Variants in KANSL1 observed in about 807,000 individuals in gnomAD.
KANSL1 encodes MLL1/MLL complex subunit KANSL1.
KANSL1 carries 22 observed loss-of-function variants against 103.6 expected under a neutral mutation model. The observed-to-expected ratio is 0.21, with a 90% CI of 0.15 to 0.30. The LOEUF (loss-of-function observed/expected upper bound fraction) is 0.30. Ranked by LOEUF, KANSL1 falls within the 10% of genes least tolerant of loss-of-function variation. The pLI, the probability that KANSL1 is intolerant of heterozygous loss-of-function variation, is 1.00. For missense variants in KANSL1, 1,337 were observed against 1,399.8 expected (o/e 0.96, Z 0.72); for synonymous variants, 600 against 527.6 (o/e 1.14, Z -1.88).
At chr17:46,147,258 T>C (rs992836358) in intron 2 of KANSL1, among the ~76,000 whole-genome samples, 1 of 152,212 alleles carries the variant, frequency 6.6e-6, no homozygotes, top group Non-Finnish European at 1.5e-5. Context: ...TTTCTGAATA[T>C]GCTGTAAAGA....
At chr17:46,215,779 G>A (rs1309785469) in intron 1 of KANSL1, among the ~76,000 whole-genome samples, 3 of 152,094 alleles carry the variant, frequency 2.0e-5, no homozygotes, top group Admixed American at 6.6e-5. Context: ...AGTGGCTCAC[G>A]CCTGTAATCC....
chr17:46,082,074 C>T (rs2079006565), intron 4 of KANSL1, among the ~76,000 whole-genome samples: 3 of 152,138 alleles, frequency 2.0e-5, no homozygotes, highest in African/African-American at 7.2e-5. Flanking sequence ...AACCTCTAGT[C>T]TAACCTTTTA....
chr17:46,210,895 C>G (rs1286153981), intron 1 of KANSL1, among the ~76,000 whole-genome samples: 1 of 152,098 alleles, frequency 6.6e-6, no homozygotes, highest in Non-Finnish European at 1.5e-5. Flanking sequence ...GAAGACAAAC[C>G]AGACTTGCTC....
chr17:46,221,984 G>A (rs990603333), intron 1 of KANSL1: 64 of 152,042 alleles, frequency 4.2e-4, no homozygotes, highest in African/African-American at 1.5e-3. Flanking sequence ...CTGACCAGAC[G>A]AACACTGTAA....
At chr17:46,101,368 A>G (rs1269238970) in intron 2 of KANSL1, among the ~76,000 whole-genome samples, 1 of 152,252 alleles carries the variant, frequency 6.6e-6, no homozygotes, top group Non-Finnish European at 1.5e-5. Context: ...ACCTCTGCAA[A>G]TAAGAACAAC....
intron 1 of KANSL1, among the ~76,000 whole-genome samples, chr17:46,174,679 G>A (rs1271777612): frequency 6.6e-6 from 1 of 152,206 alleles, no homozygotes; most frequent in Non-Finnish European, 1.5e-5. Flanking sequence ...TCATTTATTT[G>A]TTGCTGTTAT....
intron 2 of KANSL1, among the ~76,000 whole-genome samples, chr17:46,134,439 A>G (rs1242521820): frequency 6.6e-6 from 1 of 152,154 alleles, no homozygotes; most frequent in African/African-American, 2.4e-5. Context: ...TTAAACGTTT[A>G]TAATGTATTT....
chr17:46,138,794 A>C (rs1301451740), intron 2 of KANSL1, among the ~76,000 whole-genome samples: 2 of 152,278 alleles, frequency 1.3e-5, no homozygotes, highest in African/African-American at 4.8e-5. Flanking sequence ...CCTGACAGTA[A>C]GAACTGGAGT....
chr17:46,204,180 G>C (rs1156879556), intron 1 of KANSL1, among the ~76,000 whole-genome samples: 2 of 152,088 alleles, frequency 1.3e-5, no homozygotes, highest in Non-Finnish European at 2.9e-5. Flanking sequence ...AAAAAGGCCG[G>C]GTGTGGTGGC....
At chr17:46,056,729 A>G (rs17575507) in intron 6 of KANSL1, among the ~76,000 whole-genome samples, 21,804 of 152,304 alleles carry the variant, frequency 0.14, 2,129 homozygotes, top group Non-Finnish European at 0.22. Flanking sequence ...AAAAAGGACT[A>G]ATAATACCAA....
rs2077002477 is a variant in KANSL1 at position 46,031,449 on chromosome 17, G to T, written c.*27C>A. On this transcript the variant is annotated 3_prime_UTR_variant, in exon 15 of 15. Coordinates refer to ENST00000432791, the MANE Select transcript of KANSL1 (RefSeq NM_015443.4). Reference sequence around the variant, plus strand: ...TGAAGCTTTAATGCCAATAGTTAGTGAGTCTGTTTAGATGGCTGTCTCCCG... The same window carrying T: ...TGAAGCTTTAATGCCAATAGTTAGTTAGTCTGTTTAGATGGCTGTCTCCCG... The T allele has an allele frequency of 9.0e-6, 14 of 1,554,732 alleles. No homozygotes were observed. The highest frequency in any genetic ancestry group is 9.7e-6 in the Non-Finnish European group (11 of 1,138,768).
At chr17:46,058,791 T>A (rs1409668045) in intron 6 of KANSL1, among the ~76,000 whole-genome samples, 3 of 120,422 alleles carry the variant, frequency 2.5e-5, no homozygotes, top group African/African-American at 9.5e-5. Context: ...TCTCTCTCTC[T>A]CAAAACATAA....
intron 1 of KANSL1, among the ~76,000 whole-genome samples, chr17:46,213,288 TTTGTTGTTGTTG>T (rs138336096): frequency 2.6e-5 from 4 of 151,090 alleles, no homozygotes; most frequent in South Asian, 2.1e-4. Flanking sequence ...TTATTTGTTT[TTTGTTGTTGTTG>T]TTGTTGTTGT....
At chr17:46,139,608 C>T (rs1276738043) in intron 2 of KANSL1, among the ~76,000 whole-genome samples, 2 of 152,216 alleles carry the variant, frequency 1.3e-5, no homozygotes, top group Admixed American at 6.5e-5. Context: ...TTGTTTTAAC[C>T]AATTACTAAG....
intron 1 of KANSL1, among the ~76,000 whole-genome samples, chr17:46,212,751 T>C (rs902225098): frequency 6.6e-6 from 1 of 152,214 alleles, no homozygotes; most frequent in Non-Finnish European, 1.5e-5. Flanking sequence ...CGTTTTTAAT[T>C]TTGCCAATAT....
upstream of KANSL1, among the ~76,000 whole-genome samples, chr17:46,196,906 A>G (rs1347365685): frequency 2.0e-5 from 3 of 152,198 alleles, no homozygotes; most frequent in Non-Finnish European, 4.4e-5. Context: ...CAGGAGTTTG[A>G]GAACAGCCCA....
intron 2 of KANSL1, among the ~76,000 whole-genome samples, chr17:46,156,071 G>A (rs2045411137): frequency 6.6e-6 from 1 of 152,220 alleles, no homozygotes; most frequent in Admixed American, 6.5e-5. Context: ...AGATAGGCGG[G>A]CACAGTGGCT....
At chr17:46,041,242 G>A (rs1462673267) in intron 7 of KANSL1, 1 of 152,156 alleles carries the variant, frequency 6.6e-6, no homozygotes. Context: ...ATCTACAAAT[G>A]GAGACTGTTT....
At chr17:46,097,405 A>C (rs941623309) in intron 2 of KANSL1, among the ~76,000 whole-genome samples, 2 of 151,932 alleles carry the variant, frequency 1.3e-5, no homozygotes, top group African/African-American at 4.9e-5. Context: ...ATAAACAAAT[A>C]AACATTAATA....
Sources: allele counts gnomAD v4.1 joint callset (sites outside exome capture counted in the v4.1 genomes callset), GRCh38; gene constraint gnomAD v4.1.1; transcripts MANE v1.5; gene names NCBI Gene and HGNC (gene_info 2026-07-23, HGNC 2026-07-21).